The following FAM13A variants were observed in gnomAD, a reference collection of about 807,000 sequenced individuals.
The protein encoded by FAM13A is family with sequence similarity 13 member A.
In FAM13A, 76 loss-of-function variants were observed where a neutral mutation model predicts 129.6. That is an observed-to-expected ratio of 0.59 (90% CI 0.49 to 0.71). The LOEUF (loss-of-function observed/expected upper bound fraction) is 0.71. Among genes scored for constraint, FAM13A ranks in the 30% least tolerant of loss-of-function variants. The pLI is 0.00. For synonymous variants in FAM13A, 443 were observed against 449.9 expected (o/e 0.98, Z 0.20); for missense variants, 1,108 against 1,249.3 (o/e 0.89, Z 1.70).
intron 18 of FAM13A, 118 bp downstream of exon 18, chr4:88,747,513 C>T: frequency 1.2e-6 from 1 of 823,002 alleles, no homozygotes; most frequent in East Asian, 2.4e-5. Flanking sequence ...AGACACGTAA[C>T]AGCCTGGAAG....
At chr4:89,018,335 C>T (rs1042621556) in intron 3 of FAM13A, among the ~76,000 whole-genome samples, 2 of 152,212 alleles carry the variant, frequency 1.3e-5, no homozygotes, top group Non-Finnish European at 2.9e-5. Context: ...CAGCCATCTG[C>T]ACACCAAAGA....
chr4:88,991,299 G>T (rs2149023024), intron 3 of FAM13A, 149 bp from the exon 4 acceptor site: 3 of 576,294 alleles, frequency 5.2e-6, no homozygotes, highest in Non-Finnish European at 8.8e-6. Flanking sequence ...TTATGTTAAA[G>T]AATTACTAAC....
chr4:88,902,842 T>A (rs1747509414), intron 6 of FAM13A, among the ~76,000 whole-genome samples: 1 of 152,164 alleles, frequency 6.6e-6, no homozygotes, highest in South Asian at 2.1e-4. Flanking sequence ...TATGACATGA[T>A]CCTATATCCA....
In FAM13A at chr4:88,780,576, TA is replaced by T. The variant is rs372333254; in HGVS notation, c.1458+588del. ...ACTGAACAAATATTTAGCCACTGAT[TA>T]AACCACTTGTAAACACTTATACTAT... On this transcript the variant is annotated intron_variant, in intron 11 of 23. Coordinates refer to ENST00000264344, the MANE Select transcript of FAM13A (RefSeq NM_014883.4). 1.4e-4 allele frequency among the ~76,000 whole-genome samples: 22 copies of T among 152,294 alleles called. No homozygotes were observed. In the East Asian group the frequency reaches 3.7e-3, roughly 25 times the overall value.
chr4:88,830,824 G>A (rs1031511770), intron 7 of FAM13A, among the ~76,000 whole-genome samples: 5 of 152,016 alleles, frequency 3.3e-5, no homozygotes, highest in African/African-American at 1.2e-4. Context: ...CATGATTCAG[G>A]GTTCCCTTCT....
intron 7 of FAM13A, among the ~76,000 whole-genome samples, chr4:88,806,072 C>T (rs1295287335): frequency 6.6e-6 from 1 of 151,970 alleles, no homozygotes; most frequent in Non-Finnish European, 1.5e-5. Flanking sequence ...TAGAATGAAT[C>T]CCTCCCCCTT....
intron 6 of FAM13A, among the ~76,000 whole-genome samples, chr4:88,864,839 T>C (rs1339741386): frequency 6.6e-6 from 1 of 152,224 alleles, no homozygotes; most frequent in African/African-American, 2.4e-5. Flanking sequence ...TAAGTGTAAG[T>C]AGTTAAATGG....
At chr4:88,785,083 C>A (rs1334243305) in intron 10 of FAM13A, among the ~76,000 whole-genome samples, 1 of 152,012 alleles carries the variant, frequency 6.6e-6, no homozygotes, top group Non-Finnish European at 1.5e-5. Context: ...TGGGCCATGA[C>A]GACTTTAGTA....
chr4:89,014,121 A>AAATG (rs1483278293), intron 3 of FAM13A, among the ~76,000 whole-genome samples: 2 of 152,214 alleles, frequency 1.3e-5, no homozygotes, highest in Non-Finnish European at 2.9e-5. Flanking sequence ...ATGAATGAAT[A>AAATG]AATGAATGAA....
At chr4:88,866,188 A>G (rs529139013) in intron 6 of FAM13A, among the ~76,000 whole-genome samples, 1 of 152,168 alleles carries the variant, frequency 6.6e-6, no homozygotes, top group African/African-American at 2.4e-5. Flanking sequence ...CTGGGATTAC[A>G]GGCGCCTGCC....
intron 1 of FAM13A, among the ~76,000 whole-genome samples, chr4:89,048,777 TG>T (rs1771183744): frequency 6.6e-6 from 1 of 152,188 alleles, no homozygotes. Context: ...ACTTTTGAAG[TG>T]GGTCACTTTT....
chr4:88,845,061 G>C (rs143053835), intron 7 of FAM13A, among the ~76,000 whole-genome samples: 1 of 152,224 alleles, frequency 6.6e-6, no homozygotes, highest in African/African-American at 2.4e-5. Context: ...TGACAAAAAT[G>C]AATCCAGTAC....
At position 88,781,344 on chromosome 4, in the gene FAM13A, T is replaced by C. The variant is rs149660087; in HGVS notation, c.1279A>G (p.Ile427Val). The C allele has an allele frequency of 7.4e-4, 1,184 of 1,600,424 alleles. No individual in the cohort carries two copies. The highest frequency in any genetic ancestry group is 9.8e-4 in the Admixed American group (57 of 57,912). ...CCAGAAGGAGTATTTTCTTTGTTGA[T>C]AAGTCCCCTTGAATTGAGAAAAAAG... is the stretch of plus-strand genomic sequence containing the variant. ...EVRHGRDKGL[I>V]NKENTPSGFN... Residue 427 changes from isoleucine (I) to valine (V), a missense_variant, in exon 11 of 24, where the codon ATC becomes GTC. Around this residue, in one of 3 missense-constraint regions of FAM13A, gnomAD observed 566 missense variants for 595.7 expected, o/e 0.95. Transcript: ENST00000264344.
intron 11 of FAM13A, among the ~76,000 whole-genome samples, chr4:88,771,901 ACT>A (rs1217658801): frequency 9.2e-5 from 14 of 152,156 alleles, no homozygotes; most frequent in Non-Finnish European, 2.1e-4. Context: ...ATAAAGATAA[ACT>A]CAAGTCTAAA....
At chr4:88,834,063 T>C (rs1243739375) in intron 7 of FAM13A, among the ~76,000 whole-genome samples, 1 of 141,478 alleles carries the variant, frequency 7.1e-6, no homozygotes, top group Non-Finnish European at 1.5e-5. Flanking sequence ...CTATTTTTTT[T>C]TTTTTTTTTT....
intron 19 of FAM13A, among the ~76,000 whole-genome samples, chr4:88,739,423 G>T (rs1739711932): frequency 6.6e-6 from 1 of 151,896 alleles, no homozygotes; most frequent in East Asian, 1.9e-4. Flanking sequence ...AAGGTTCAGA[G>T]TTCCCAGATG....
At chr4:88,735,078 G>A (rs573845979) in intron 21 of FAM13A, among the ~76,000 whole-genome samples, 1 of 152,318 alleles carries the variant, frequency 6.6e-6, no homozygotes, top group South Asian at 2.1e-4. Flanking sequence ...ATAAGGAAGA[G>A]TAAGAGGAAC....
At chr4:88,948,581 C>G (rs990764405) in intron 4 of FAM13A, among the ~76,000 whole-genome samples, 2 of 151,972 alleles carry the variant, frequency 1.3e-5, no homozygotes, top group African/African-American at 4.8e-5. Context: ...CTCCGCCTCC[C>G]GGGTTCAAGC....
intron 8 of FAM13A, among the ~76,000 whole-genome samples, chr4:88,797,465 A>G (rs1726445445): frequency 6.6e-6 from 1 of 151,972 alleles, no homozygotes; most frequent in Admixed American, 6.6e-5. Context: ...GAGTCTTGCT[A>G]TGTTGCCCAG....
Sources: gnomAD v4.1 joint callset for allele counts (sites outside exome capture counted in the v4.1 genomes callset) on GRCh38, gnomAD v4.1.1 for gene constraint, gnomAD v4.1.1 regional missense constraint, MANE v1.5 for transcripts, NCBI Gene and HGNC (gene_info 2026-07-23, HGNC 2026-07-21) for gene names.